Variants in TTC27 observed in about 807,000 individuals in gnomAD.
TTC27 encodes the protein tetratricopeptide repeat domain 27.
TTC27 carries 79 observed loss-of-function variants against 115.9 expected under a neutral mutation model. The observed-to-expected ratio is 0.68, with a 90% CI of 0.57 to 0.82. The LOEUF (loss-of-function observed/expected upper bound fraction) is 0.82. Among genes scored for constraint, TTC27 ranks in the 40% least tolerant of loss-of-function variants. The pLI is 0.00. For synonymous variants in TTC27, 401 were observed against 356.0 expected (o/e 1.13, Z -1.42); for missense variants, 1,054 against 993.1 (o/e 1.06, Z -0.82).
At chr2:32,758,173 A>G in intron 12 of TTC27, 119 bp from the exon 13 acceptor site, 1 of 872,664 alleles carries the variant, frequency 1.1e-6, no homozygotes, top group Non-Finnish European at 1.7e-6. Flanking sequence ...GTCAAATAAG[A>G]AATCTCAAAC....
At chr2:32,807,469 T>G (rs1671169681) in intron 16 of TTC27, among the ~76,000 whole-genome samples, 1 of 152,204 alleles carries the variant, frequency 6.6e-6, no homozygotes, top group South Asian at 2.1e-4. Flanking sequence ...TGACTTCTTC[T>G]TATCTTTTTA....
intron 13 of TTC27, among the ~76,000 whole-genome samples, chr2:32,769,401 A>T (rs778634777): frequency 1.3e-5 from 2 of 152,242 alleles, no homozygotes; most frequent in African/African-American, 4.8e-5. Context: ...GGTGAGTGAT[A>T]GATGAAGAAA....
At chr2:32,776,908 C>T (rs1418186613) in intron 13 of TTC27, among the ~76,000 whole-genome samples, 1 of 152,144 alleles carries the variant, frequency 6.6e-6, no homozygotes, top group Admixed American at 6.5e-5. Flanking sequence ...CCACACCCAG[C>T]CGAATTTTTG....
At chr2:32,790,026 A>G (rs899538065) in intron 16 of TTC27, among the ~76,000 whole-genome samples, 4 of 150,170 alleles carry the variant, frequency 2.7e-5, no homozygotes. Context: ...CATTTTTCAG[A>G]AAAGAAAAAA....
chr2:32,766,496 A>C (rs1669630993), intron 13 of TTC27: 1 of 457,522 alleles, frequency 2.2e-6, no homozygotes, highest in Non-Finnish European at 4.5e-6. Flanking sequence ...GAGAGGGAGA[A>C]GATAGGAGAG....
intron 12 of TTC27, among the ~76,000 whole-genome samples, chr2:32,755,520 C>G (rs1040156937): frequency 6.6e-5 from 10 of 152,068 alleles, no homozygotes; most frequent in African/African-American, 2.4e-4. Context: ...TGCAGTGAGC[C>G]GAGATGGCAG....
Position 32,666,502 on chromosome 2 carries a change from G to A in TTC27, c.806-133G>A, listed in dbSNP as rs2151880679. On this transcript the variant is annotated intron_variant, in intron 6 of 19. Transcript: ENST00000317907. The stretch of plus-strand genomic sequence containing the variant: ...TAAGTCATTTAAAACCTGAGGCTGG[G>A]CCTCAGGACTTTCTTATGTGAAATG... 4.7e-6 allele frequency: 4 copies of A among 853,796 alleles called. No individual in the cohort carries two copies. The South Asian group carries it at 1.6e-4, about 34-fold the overall frequency. 52.9% of individuals were successfully genotyped at this position (853,796 alleles called of 1,614,324 possible). A position where few individuals can be genotyped will look rare whatever the true frequency, so the allele number is the denominator to read the frequency against.
intron 9 of TTC27, among the ~76,000 whole-genome samples, chr2:32,679,808 A>G (rs1418796932): frequency 1.3e-5 from 2 of 152,168 alleles, no homozygotes; most frequent in African/African-American, 2.4e-5. Context: ...CCTGGCCGAC[A>G]TGATGAAACC....
At chr2:32,738,386 A>G (rs1405023257) in intron 12 of TTC27, among the ~76,000 whole-genome samples, 4 of 152,222 alleles carry the variant, frequency 2.6e-5, no homozygotes, top group Admixed American at 2.0e-4. Context: ...ATAATGTGAC[A>G]TGAGTGCTTG....
In TTC27 at chr2:32,787,029, T is replaced by A. The variant is rs774108000; in HGVS notation, c.1878T>A (p.Tyr626Ter). ...RTLQEALKCN[Y>*]EHWQIWENYI... is the part of the protein sequence containing the mutation. The stretch of plus-strand genomic sequence containing the variant: ...TACAAGAAGCTCTCAAGTGTAACTA[T>A]GAACACTGGCAGATTTGGGAAAACT... Residue 626 changes from tyrosine (Y) to a stop codon, truncating the protein, a stop_gained, in exon 16 of 20, where the codon TAT becomes TAA. Coordinates refer to ENST00000317907, the MANE Select transcript of TTC27 (RefSeq NM_017735.5). LOFTEE classifies it high-confidence loss of function. 1 of 1,614,136 alleles carries A rather than the reference T, an allele frequency of 6.2e-7. No individual in the cohort carries two copies. The highest frequency in any genetic ancestry group is 8.5e-7 in the Non-Finnish European group (1 of 1,179,998).
chr2:32,671,602 T>C (rs572307530), intron 7 of TTC27, among the ~76,000 whole-genome samples: 3 of 152,380 alleles, frequency 2.0e-5, no homozygotes, highest in Non-Finnish European at 2.9e-5. Flanking sequence ...CTGGGCTTTA[T>C]AGTAATTCTT....
intron 10 of TTC27, among the ~76,000 whole-genome samples, chr2:32,729,032 G>A (rs1056602029): frequency 1.3e-5 from 2 of 151,764 alleles, no homozygotes; most frequent in African/African-American, 4.8e-5. Context: ...TACAAAGATT[G>A]CACAGCAAAG....
intron 16 of TTC27, among the ~76,000 whole-genome samples, chr2:32,788,545 T>A (rs914050585): frequency 6.6e-6 from 1 of 152,214 alleles, no homozygotes; most frequent in East Asian, 1.9e-4. Context: ...CCTTGGTCAG[T>A]CTGATCCTGT....
intron 12 of TTC27, among the ~76,000 whole-genome samples, chr2:32,747,548 T>C (rs140077261): frequency 0.011 from 1,700 of 152,318 alleles, 29 homozygotes; most frequent in African/African-American, 0.038. Flanking sequence ...CTACCAAATG[T>C]GTATTGCTAT....
chr2:32,802,225 T>A (rs1384072011), intron 16 of TTC27, among the ~76,000 whole-genome samples: 2 of 152,162 alleles, frequency 1.3e-5, no homozygotes, highest in Non-Finnish European at 2.9e-5. Flanking sequence ...TGGATTAAAA[T>A]TTACCTTTAT....
At chr2:32,698,505 A>G (rs990188624) in intron 9 of TTC27, among the ~76,000 whole-genome samples, 1 of 131,494 alleles carries the variant, frequency 7.6e-6, no homozygotes, top group African/African-American at 2.8e-5. Flanking sequence ...TTTGAGATGG[A>G]GTCTCGCTCT....
intron 5 of TTC27, among the ~76,000 whole-genome samples, chr2:32,653,555 C>T (rs1260420038): frequency 6.7e-6 from 1 of 148,866 alleles, no homozygotes; most frequent in African/African-American, 2.5e-5. Flanking sequence ...GATTACACCA[C>T]TGCACTACAG....
chr2:32,724,240 A>G lies in TTC27; in HGVS notation c.1234-9588A>G, dbSNP rs77048415. ...ACTAATCCTAAGGCAGCAGTTATCA[A>G]GTAGGGCTTGTGGATCCCTGGGAGT... On this transcript the variant is annotated intron_variant, in intron 10 of 19. Transcript: ENST00000317907. Among the ~76,000 whole-genome samples, 431 of 152,276 alleles carry G rather than the reference A, an allele frequency of 2.8e-3. 6 individuals carry two copies. The highest frequency in any genetic ancestry group is 9.8e-3 in the African/African-American group (406 of 41,556).
chr2:32,810,701 G>A (rs571761418), intron 16 of TTC27, among the ~76,000 whole-genome samples: 2 of 152,288 alleles, frequency 1.3e-5, no homozygotes, highest in Non-Finnish European at 2.9e-5. Context: ...CAATATATAT[G>A]AAGCTATAGG....
Sources: gnomAD v4.1 joint callset for allele counts (sites outside exome capture counted in the v4.1 genomes callset) on GRCh38, gnomAD v4.1.1 for gene constraint, MANE v1.5 for transcripts, NCBI Gene and HGNC (gene_info 2026-07-23, HGNC 2026-07-21) for gene names.